GPC4: variants seen among roughly 807,000 people sequenced by gnomAD.
GPC4 encodes glypican-4.
A neutral mutation model predicts 35.0 loss-of-function variants in GPC4; 10 were observed. The observed-to-expected ratio is 0.29, with a 90% CI of 0.18 to 0.48. The LOEUF is 0.48. Among genes scored for constraint, GPC4 ranks in the 20% least tolerant of loss-of-function variants. The probability of loss-of-function intolerance (pLI) is 0.99; values close to 1 mark genes in which losing one functional copy is unlikely to be tolerated. For synonymous variants in GPC4, 167 were observed against 170.2 expected, an observed-to-expected ratio of 0.98 and a Z score of 0.15; for missense variants, 322 against 451.3, an observed-to-expected ratio of 0.71 and a Z score of 2.60.
At chrX:133,373,979 C>T (rs1402020493) in intron 1 of GPC4, among the ~76,000 whole-genome samples, 1 of 110,546 alleles carries the variant, frequency 9.0e-6, no homozygotes, top group African/African-American at 3.3e-5. Flanking sequence ...GGGGTGACTG[C>T]TAATGGTACA....
intron 3 of GPC4, among the ~76,000 whole-genome samples, chrX:133,319,541 G>T (rs1279440794): frequency 9.3e-6 from 1 of 107,893 alleles, no homozygotes; most frequent in Non-Finnish European, 1.9e-5. Flanking sequence ...TTCAATTAGG[G>T]AACACATCCC....
intron 1 of GPC4, among the ~76,000 whole-genome samples, chrX:133,358,101 T>C (rs780746241): frequency 3.6e-5 from 4 of 112,519 alleles, no homozygotes; most frequent in African/African-American, 1.3e-4. Context: ...AATACTGCTC[T>C]AGGATTATGA....
intron 1 of GPC4, among the ~76,000 whole-genome samples, chrX:133,385,135 A>C (rs1353753797): frequency 8.9e-6 from 1 of 112,431 alleles, no homozygotes; most frequent in Non-Finnish European, 1.9e-5. Context: ...AGTATATTTA[A>C]GTACAACACA....
chrX:133,402,224 C>T (rs2068769869), intron 1 of GPC4, among the ~76,000 whole-genome samples: 1 of 111,703 alleles, frequency 9.0e-6, no homozygotes, highest in Non-Finnish European at 1.9e-5. Context: ...TGACCAAACA[C>T]CAGACCGAAA....
intron 1 of GPC4, among the ~76,000 whole-genome samples, chrX:133,392,941 C>G (rs183288678): frequency 1.8e-5 from 2 of 111,918 alleles, no homozygotes; most frequent in Admixed American, 1.9e-4. Flanking sequence ...AGACTGTACC[C>G]TCCGGATCAC....
At chrX:133,340,222 T>G (rs767698007) in intron 1 of GPC4, among the ~76,000 whole-genome samples, 2 of 109,606 alleles carry the variant, frequency 1.8e-5, no homozygotes, top group East Asian at 5.8e-4. Context: ...TGCCCCAGAG[T>G]TCCCCCCCTT....
At chrX:133,323,716 T>C (rs2068377323) in intron 3 of GPC4, among the ~76,000 whole-genome samples, 1 of 112,055 alleles carries the variant, frequency 8.9e-6, no homozygotes, top group African/African-American at 3.2e-5. Flanking sequence ...CTCACAGAGA[T>C]TAAATGCTTT....
chrX:133,300,435 C>T lies in GPC4; in HGVS notation c.*2432G>A, dbSNP rs2068263234. The T allele has an allele frequency of 8.9e-6, 1 of 112,159 alleles. No homozygotes were observed. The highest frequency in any genetic ancestry group is 1.9e-5 in the Non-Finnish European group (1 of 53,285). 9.2% of individuals were successfully genotyped at this position (112,159 alleles called of 1,213,427 possible). ...TCCTAACAAGGCTTTTATTCTACTT[C>T]ATACTCCAAACTCTTAAGGTTTTAA... On this transcript the variant is annotated 3_prime_UTR_variant, in exon 9 of 9. Coordinates refer to ENST00000370828, the MANE Select transcript of GPC4 (RefSeq NM_001448.3).
chrX:133,316,667 T>C (rs755957534), intron 3 of GPC4, among the ~76,000 whole-genome samples: 23 of 112,071 alleles, frequency 2.1e-4, no homozygotes, highest in South Asian at 3.8e-4. Flanking sequence ...TGAGATAACA[T>C]TGTTTAGTAA....
At chrX:133,305,718 A>G in intron 6 of GPC4, 54 bp downstream of exon 6, 3 of 1,190,145 alleles carry the variant, frequency 2.5e-6, no homozygotes, top group Non-Finnish European at 3.4e-6. Context: ...CATTTTGAGC[A>G]AGAGTTTTCA....
At chrX:133,412,072 T>A (rs1479718461) in intron 1 of GPC4, among the ~76,000 whole-genome samples, 2 of 111,917 alleles carry the variant, frequency 1.8e-5, no homozygotes, top group Non-Finnish European at 3.8e-5. Context: ...GTACCCAGAC[T>A]TTGTGATACT....
chrX:133,357,719 AC>A lies in GPC4; in HGVS notation c.161-18379del, dbSNP rs1313885026. The stretch of plus-strand genomic sequence containing the variant: ...CTTACCAACTGTGCAATTTTGAGCC[AC>A]CCTCCTAACTTCTCTGAGACTAGTT... On this transcript the variant is annotated intron_variant, in intron 1 of 8. Coordinates refer to ENST00000370828, the MANE Select transcript of GPC4 (RefSeq NM_001448.3). 9.0e-5 allele frequency among the ~76,000 whole-genome samples: 10 copies of A among 111,032 alleles called. No individual in the cohort carries two copies. In the Admixed American group the frequency reaches 9.6e-4, roughly 11 times the overall value.
intron 2 of GPC4, among the ~76,000 whole-genome samples, 200 bp from the exon 3 acceptor site, chrX:133,324,736 A>G (rs1222165744): frequency 9.0e-6 from 1 of 111,433 alleles, no homozygotes; most frequent in Non-Finnish European, 1.9e-5. Context: ...CTGTGTCACA[A>G]AGTCACTTAC....
Position 133,360,533 on chromosome X carries a change from C to T in GPC4, c.161-21192G>A, listed in dbSNP as rs187459143. ...TAAGCAAGGGAAGCCTTGGGTTTGC[C>T]GAAAAAAAAAAAGAAGAAGAAGAAG... On this transcript the variant is annotated intron_variant, in intron 1 of 8. Transcript: ENST00000370828. 3.5e-3 allele frequency among the ~76,000 whole-genome samples: 367 copies of T among 104,572 alleles called. 1 individual carries two copies. The highest frequency in any genetic ancestry group is 0.013 in the African/African-American group (353 of 27,525). 90.8% of individuals were successfully genotyped at this position (104,572 alleles called of 115,157 possible). A position where few individuals can be genotyped will look rare whatever the true frequency, so the allele number is the denominator to read the frequency against.
rs765038027 is a variant in GPC4 at position 133,305,966 on chromosome X, G to GGGAGGC, written c.1008+52_1009-49dup. On this transcript the variant is annotated intron_variant, in intron 5 of 8. Transcript: ENST00000370828. ...ATGTTAGGGAAGTCACTCCCAAGGC[G>GGGAGGC]GGAGGCGGAGGCGGGGGAGGTCCCT... 3.3e-6 allele frequency: 4 copies of GGGAGGC among 1,209,905 alleles called. No homozygotes were observed. The Admixed American group carries it at 8.7e-5, about 26-fold the overall frequency.
Position 133,415,164 on chromosome X carries a change from C to T in GPC4, c.-199G>A, listed in dbSNP as rs2068833144. ...GCTGGGCCTCGCGTCAGGCAACGGT[C>T]CCCGGTGCCAGGCGCCGGGCCAGGG... On this transcript the variant is annotated 5_prime_UTR_variant, in exon 1 of 9. Coordinates refer to ENST00000370828, the MANE Select transcript of GPC4 (RefSeq NM_001448.3). The T allele has an allele frequency of 2.4e-6, 1 of 420,901 alleles. No homozygotes were observed. Among genetic ancestry groups the T allele is most frequent in the Non-Finnish European group, 4.0e-6 (1 of 247,084 alleles). 34.7% of individuals were successfully genotyped at this position (420,901 alleles called of 1,213,427 possible). A position where few individuals can be genotyped will look rare whatever the true frequency, so the allele number is the denominator to read the frequency against.
At chrX:133,336,979 T>C (rs1045044124) in intron 2 of GPC4, among the ~76,000 whole-genome samples, 3 of 110,392 alleles carry the variant, frequency 2.7e-5, no homozygotes, top group African/African-American at 9.9e-5. Flanking sequence ...CCACCACTCC[T>C]GGCTAATTTT....
At chrX:133,329,296 T>C (rs765669422) in intron 2 of GPC4, among the ~76,000 whole-genome samples, 1 of 112,019 alleles carries the variant, frequency 8.9e-6, no homozygotes, top group Non-Finnish European at 1.9e-5. Context: ...TACTAATATG[T>C]GAGATGATAG....
At chrX:133,334,919 T>C (rs1285936375) in intron 2 of GPC4, among the ~76,000 whole-genome samples, 1 of 112,414 alleles carries the variant, frequency 8.9e-6, no homozygotes, top group Non-Finnish European at 1.9e-5. Flanking sequence ...ATTTTTACTA[T>C]GTAATTCAGA....
Sources: gnomAD v4.1 joint callset for allele counts (sites outside exome capture counted in the v4.1 genomes callset) on GRCh38, gnomAD v4.1.1 for gene constraint, MANE v1.5 for transcripts, NCBI Gene and HGNC (gene_info 2026-07-23, HGNC 2026-07-21) for gene names.